SDCCAG8: variants seen among roughly 807,000 people sequenced by gnomAD.
SDCCAG8 encodes serologically defined colon cancer antigen 8.
A neutral mutation model predicts 101.8 loss-of-function variants in SDCCAG8; 74 were observed. The ratio of observed to expected loss-of-function variants is 0.73; its 90% CI spans 0.60 to 0.88. The LOEUF (loss-of-function observed/expected upper bound fraction) is 0.88, where lower values mean the gene tolerates loss of function less well. SDCCAG8 is among the 40% of genes least tolerant of loss of function. SDCCAG8 has a pLI of 0.00. For synonymous variants in SDCCAG8, 281 were observed against 292.9 expected, an observed-to-expected ratio of 0.96 and a Z score of 0.41; for missense variants, 787 against 822.6, an observed-to-expected ratio of 0.96 and a Z score of 0.53.
At position 243,308,100 on chromosome 1, in the gene SDCCAG8, G is replaced by T; in HGVS notation, c.852G>T (p.Leu284Phe). ...NTCNRVGGLC[L>F]KCAQHEAVLS... ...GTAACCGTGTTGGTGGTCTTTGTTTGAAATGTGCTCAGCATGAAGCTGTTC... is the reference window on the plus strand; with the variant it reads ...GTAACCGTGTTGGTGGTCTTTGTTTTAAATGTGCTCAGCATGAAGCTGTTC... Residue 284 changes from leucine to phenylalanine, a missense_variant, in exon 8 of 18, where the codon TTG becomes TTT. Physicochemically the swap from Leu to Phe is conservative, Grantham distance 22. Transcript: ENST00000366541. 2 of 1,614,184 alleles carry T rather than the reference G, an allele frequency of 1.2e-6. No individual in the cohort carries two copies. Among genetic ancestry groups the T allele is most frequent in the Non-Finnish European group, 1.7e-6 (2 of 1,180,036 alleles).
chr1:243,294,482 G>GGGGAGAGAGAGAGAGAAAGAGA (rs1259035129), intron 6 of SDCCAG8, among the ~76,000 whole-genome samples: 3 of 99,954 alleles, frequency 3.0e-5, no homozygotes, highest in Non-Finnish European at 3.9e-5. Flanking sequence ...GTGGGGGGGG[G>GGGGAGAGAGAGAGAGAAAGAGA]GAGAGAGAGA....
intron 16 of SDCCAG8, among the ~76,000 whole-genome samples, chr1:243,429,582 T>A (rs532572747): frequency 6.6e-6 from 1 of 152,160 alleles, no homozygotes; most frequent in Non-Finnish European, 1.5e-5. Flanking sequence ...AGAGAATATC[T>A]CACTCTGTCG....
At chr1:243,483,886 G>C (rs6677682) in intron 16 of SDCCAG8, among the ~76,000 whole-genome samples, 213 of 152,324 alleles carry the variant, frequency 1.4e-3, no homozygotes, top group African/African-American at 4.9e-3. Flanking sequence ...TCTCAGCTAG[G>C]GGGGTCGTGC....
At chr1:243,494,137 A>T (rs1667239446) in intron 17 of SDCCAG8, among the ~76,000 whole-genome samples, 1 of 152,244 alleles carries the variant, frequency 6.6e-6, no homozygotes, top group Non-Finnish European at 1.5e-5. Context: ...AAAATAAATT[A>T]AAAAGCCTCC....
chr1:243,461,532 T>G (rs1042298701), intron 16 of SDCCAG8, among the ~76,000 whole-genome samples: 1 of 152,210 alleles, frequency 6.6e-6, no homozygotes, highest in Non-Finnish European at 1.5e-5. Flanking sequence ...TTTAAGAGGC[T>G]TCAGAAGTCC....
intron 9 of SDCCAG8, among the ~76,000 whole-genome samples, chr1:243,326,614 A>G (rs760349841): frequency 1.1e-4 from 17 of 152,212 alleles, no homozygotes; most frequent in Non-Finnish European, 1.3e-4. Context: ...TGCATTATTC[A>G]TAAGTTAGAT....
intron 6 of SDCCAG8, among the ~76,000 whole-genome samples, chr1:243,295,525 T>C (rs2070785409): frequency 6.6e-6 from 1 of 152,196 alleles, no homozygotes; most frequent in Non-Finnish European, 1.5e-5. Context: ...CATGAGCCAC[T>C]GTACTCGGCC....
At chr1:243,461,180 A>G (rs1044902083) in intron 16 of SDCCAG8, among the ~76,000 whole-genome samples, 5 of 152,214 alleles carry the variant, frequency 3.3e-5, no homozygotes, top group Non-Finnish European at 5.9e-5. Flanking sequence ...GCAGAAGTAC[A>G]GAAGCAGTTC....
intron 12 of SDCCAG8, among the ~76,000 whole-genome samples, chr1:243,378,119 A>G (rs2077708084): frequency 6.6e-6 from 1 of 151,774 alleles, no homozygotes; most frequent in South Asian, 2.1e-4. Flanking sequence ...ATTTAAATGG[A>G]AATATTATTT....
At chr1:243,272,048 G>C (rs1205109299) in intron 3 of SDCCAG8, among the ~76,000 whole-genome samples, 1 of 152,080 alleles carries the variant, frequency 6.6e-6, no homozygotes, top group Non-Finnish European at 1.5e-5. Context: ...AGATTTAAGT[G>C]GACAAAATAA....
At chr1:243,385,736 G>A (rs751046245) in intron 13 of SDCCAG8, among the ~76,000 whole-genome samples, 1 of 152,040 alleles carries the variant, frequency 6.6e-6, no homozygotes, top group African/African-American at 2.4e-5. Context: ...TTGGGAGGCC[G>A]AGGCGGGCGG....
intron 16 of SDCCAG8, 126 bp from the exon 17 acceptor site, chr1:243,488,880 TGGCACCTC>T (rs1558541193): frequency 7.9e-7 from 1 of 1,259,062 alleles, no homozygotes; most frequent in East Asian, 2.3e-5. Context: ...AGCCAGAGCC[TGGCACCTC>T]AGGGTCACCC....
intron 8 of SDCCAG8, among the ~76,000 whole-genome samples, chr1:243,315,147 C>T (rs918652352): frequency 6.6e-6 from 1 of 152,168 alleles, no homozygotes; most frequent in Admixed American, 6.5e-5. Flanking sequence ...TGTAAGATGC[C>T]TATATTGACT....
In SDCCAG8 at chr1:243,426,347, A is replaced by C. The variant is rs147799385; in HGVS notation, c.1854-80A>C. Reference sequence around the variant, plus strand: ...CATGTTTAAGTGTGGAGTTTAAGATAATGTTAAGGTTATATAATAACAATA... The same window carrying C: ...CATGTTTAAGTGTGGAGTTTAAGATCATGTTAAGGTTATATAATAACAATA... On this transcript the variant is annotated intron_variant, in intron 15 of 17. Coordinates refer to ENST00000366541, the MANE Select transcript of SDCCAG8 (RefSeq NM_006642.5). 423 of 1,212,470 alleles carry C rather than the reference A, an allele frequency of 3.5e-4. 1 individual carries two copies. The African/African-American group carries it at 5.8e-3, about 17-fold the overall frequency. The allele number at this position is 1,212,470 out of a possible 1,614,324, so 75.1% of individuals were successfully genotyped here.
chr1:243,401,957 A>G (rs1262115734), intron 13 of SDCCAG8, among the ~76,000 whole-genome samples: 1 of 152,136 alleles, frequency 6.6e-6, no homozygotes, highest in African/African-American at 2.4e-5. Context: ...TACGTTTAGT[A>G]GTTTTGGGCA....
chr1:243,301,881 G>A (rs1468138975), intron 6 of SDCCAG8, among the ~76,000 whole-genome samples: 1 of 152,158 alleles, frequency 6.6e-6, no homozygotes, highest in Non-Finnish European at 1.5e-5. Flanking sequence ...TCTTAACAAT[G>A]TCAAGATAAC....
chr1:243,481,858 G>A (rs75498184), intron 16 of SDCCAG8, among the ~76,000 whole-genome samples: 1 of 152,150 alleles, frequency 6.6e-6, no homozygotes, highest in Non-Finnish European at 1.5e-5. Flanking sequence ...CTCCCAGGGG[G>A]AATTGTCCAG....
intron 16 of SDCCAG8, among the ~76,000 whole-genome samples, chr1:243,449,865 T>C (rs1558485312): frequency 6.6e-6 from 1 of 152,266 alleles, no homozygotes; most frequent in East Asian, 1.9e-4. Context: ...CCTTTCCCCT[T>C]AGGTCCACAC....
chr1:243,484,390 C>G (rs928820607), intron 16 of SDCCAG8, among the ~76,000 whole-genome samples: 1 of 152,244 alleles, frequency 6.6e-6, no homozygotes, highest in Non-Finnish European at 1.5e-5. Flanking sequence ...CCAGCTTGCC[C>G]GCTGAGTGAC....
Sources: gnomAD v4.1 joint callset for allele counts (sites outside exome capture counted in the v4.1 genomes callset) on GRCh38, gnomAD v4.1.1 for gene constraint, MANE v1.5 for transcripts, NCBI Gene and HGNC (gene_info 2026-07-23, HGNC 2026-07-21) for gene names.